MAP1B: variants seen among roughly 807,000 people sequenced by gnomAD.
MAP1B encodes microtubule associated protein 1B.
A neutral mutation model predicts 176.1 loss-of-function variants in MAP1B; 12 were observed. That is an observed-to-expected ratio of 0.07 (90% CI 0.04 to 0.11). The LOEUF is 0.11. MAP1B is among the 10% of genes least tolerant of loss of function. The probability of loss-of-function intolerance (pLI) is 1.00; values close to 1 mark genes in which losing one functional copy is unlikely to be tolerated. For synonymous variants in MAP1B, 1,044 were observed against 1,135.0 expected, an observed-to-expected ratio of 0.92 and a Z score of 1.61; for missense variants, 2,523 against 2,990.5, an observed-to-expected ratio of 0.84 and a Z score of 3.65.
chr5:72,137,613 C>G (rs1233515543), intron 2 of MAP1B, among the ~76,000 whole-genome samples: 2 of 152,158 alleles, frequency 1.3e-5, no homozygotes, highest in Non-Finnish European at 2.9e-5. Context: ...AATAAAGTTA[C>G]TCCTCCCTGT....
chr5:72,195,066 G>A lies in MAP1B; in HGVS notation c.1711G>A (p.Val571Met), dbSNP rs778358981. The A allele has an allele frequency of 2.2e-5, 35 of 1,613,918 alleles. No individual in the cohort carries two copies. Among genetic ancestry groups the A allele is most frequent in the Non-Finnish European group, 2.6e-5 (31 of 1,180,016 alleles). The change falls in exon 5 of 7, where the codon GTG becomes ATG. Residue 571 changes from valine to methionine, a missense_variant. Physicochemically the swap from Val to Met is conservative, Grantham distance 21. Transcript: ENST00000296755. ...SKEETPEVTK[V>M]NHVEKPPKVE... is the part of the protein sequence containing the mutation. ...AGAAGAAACCCCTGAGGTCACAAAA[G>A]TGAATCACGTGGAAAAGCCACCCAA...
chr5:72,199,647 T>C lies in MAP1B; in HGVS notation c.6292T>C (p.Ser2098Pro). 6.2e-7 allele frequency: 1 copy of C among 1,614,184 alleles called. No homozygotes were observed. The highest frequency in any genetic ancestry group is 8.5e-7 in the Non-Finnish European group (1 of 1,180,040). Residue 2098 changes from serine to proline, a missense_variant, in exon 5 of 7, where the codon TCA becomes CCA. Physicochemically the swap from Ser to Pro is moderately conservative, Grantham distance 74. This residue lies in a region of MAP1B where 1,925 missense variants were observed against 2,126.0 expected (regional missense o/e 0.91). Transcript: ENST00000296755. The surrounding 1 kb of genome is among the most constrained non-coding windows in gnomAD (Gnocchi z 4.2). ...CEYKHPKTEL[S>P]PSFINPNPLE... is the part of the protein sequence containing the mutation. Reference sequence around the variant, plus strand: ...ATACAAGCACCCCAAGACAGAGCTTTCACCCTCTTTCATTAATCCCAATCC... The same window carrying C: ...ATACAAGCACCCCAAGACAGAGCTTCCACCCTCTTTCATTAATCCCAATCC...
chr5:72,120,594 T>A (rs1371699717), intron 2 of MAP1B, among the ~76,000 whole-genome samples: 1 of 151,940 alleles, frequency 6.6e-6, no homozygotes, highest in African/African-American at 2.4e-5. Flanking sequence ...CTGGCTATTT[T>A]TTTTTGTATT....
rs1190777584 is a variant in MAP1B, at chr5:72,205,266, T to G, written c.*27T>G. 1 of 1,578,924 alleles carries G rather than the reference T, an allele frequency of 6.3e-7. No individual in the cohort carries two copies. Among genetic ancestry groups the G allele is most frequent in the African/African-American group, 1.4e-5 (1 of 73,322 alleles). On this transcript the variant is annotated 3_prime_UTR_variant, in exon 7 of 7. Transcript: ENST00000296755. ...AACCAAGGCCAGCCACACCACAGGA[T>G]CTGAACTTTGTTTCCAGAAATTCTT...
rs1339298070 is a variant in MAP1B, at chr5:72,209,329, C to G, written c.*4090C>G. ...GCTGAGAAGCACTTCACACTCCTCT[C>G]TCTTGTTCTGAATGGTGTTTGTGTC... On this transcript the variant is annotated 3_prime_UTR_variant, in exon 7 of 7. Transcript: ENST00000296755. The G allele has an allele frequency of 6.6e-6, 1 of 152,218 alleles. No homozygotes were observed. Among genetic ancestry groups the G allele is most frequent in the Non-Finnish European group, 1.5e-5 (1 of 68,066 alleles). The allele number at this position is 152,218 out of a possible 1,614,324, so 9.4% of individuals were successfully genotyped here.
intron 2 of MAP1B, among the ~76,000 whole-genome samples, chr5:72,176,018 C>T (rs1203174719): frequency 1.3e-5 from 2 of 152,228 alleles, no homozygotes; most frequent in African/African-American, 4.8e-5. Context: ...GATTCAGGAA[C>T]ATTTTCAGAG....
chr5:72,113,856 C>T (rs188471468), intron 1 of MAP1B, among the ~76,000 whole-genome samples: 2 of 152,234 alleles, frequency 1.3e-5, no homozygotes, highest in Non-Finnish European at 2.9e-5. Context: ...GAATTCAGAC[C>T]TCTCAACCTG....
At chr5:72,114,650 TCCC>T (rs1414829766) in intron 1 of MAP1B, among the ~76,000 whole-genome samples, 1 of 152,210 alleles carries the variant, frequency 6.6e-6, no homozygotes, top group Non-Finnish European at 1.5e-5. Flanking sequence ...GTTCTGGGGT[TCCC>T]CAACTTTCCC....
intron 1 of MAP1B, among the ~76,000 whole-genome samples, chr5:72,112,631 G>A (rs1745363781): frequency 1.3e-5 from 2 of 152,142 alleles, no homozygotes; most frequent in Admixed American, 6.6e-5. Context: ...GTTGCTCCCT[G>A]GTCCCAAGGA....
At chr5:72,124,735 G>A (rs973209365) in intron 2 of MAP1B, among the ~76,000 whole-genome samples, 1 of 152,230 alleles carries the variant, frequency 6.6e-6, no homozygotes, top group African/African-American at 2.4e-5. Context: ...AATGGGAGCT[G>A]TGAGTAAACA....
intron 2 of MAP1B, among the ~76,000 whole-genome samples, chr5:72,175,086 A>G (rs113597326): frequency 0.029 from 3,552 of 123,632 alleles, 155 homozygotes; most frequent in African/African-American, 0.1. Context: ...CCTTCTTTTG[A>G]CAGGATTTCA....
At chr5:72,121,543 A>G (rs776983084) in intron 2 of MAP1B, among the ~76,000 whole-genome samples, 2 of 152,240 alleles carry the variant, frequency 1.3e-5, no homozygotes, top group African/African-American at 2.4e-5. Context: ...TGCTAAAAAC[A>G]TCTTGCCTGG....
chr5:72,166,412 G>T (rs1746430298), intron 2 of MAP1B, among the ~76,000 whole-genome samples: 2 of 152,152 alleles, frequency 1.3e-5, no homozygotes, highest in South Asian at 4.1e-4. Flanking sequence ...ATGGGCATCT[G>T]TTTGTAAAAA....
Position 72,186,641 on chromosome 5 carries a change from C to T in MAP1B, c.397C>T (p.Arg133Ter), listed in dbSNP as rs773674867. ...EVRLMITDAARHKLLVLTGQC... is the reference protein window; with the variant it reads ...EVRLMITDAA ...GCGCTTAATGATCACTGATGCTGCC[C>T]GACACAAGCTGCTCGTGCTGACCGG... Residue 133 changes from arginine (R) to a stop codon, truncating the protein, a stop_gained, in exon 4 of 7, where the codon CGA (arginine) becomes TGA (stop). Transcript: ENST00000296755. LOFTEE classifies it high-confidence loss of function. The surrounding 1 kb of genome is among the most constrained non-coding windows in gnomAD (Gnocchi z 4.3). The T allele has an allele frequency of 1.2e-6, 2 of 1,614,174 alleles. No homozygotes were observed. Among genetic ancestry groups the T allele is most frequent in the Non-Finnish European group, 8.5e-7 (1 of 1,180,042 alleles).
intron 2 of MAP1B, among the ~76,000 whole-genome samples, chr5:72,152,850 T>A (rs1021827119): frequency 5.9e-5 from 9 of 152,160 alleles, no homozygotes; most frequent in Non-Finnish European, 1.3e-4. Context: ...CCTGTGGACA[T>A]ACAGTGGCTG....
chr5:72,195,398 A>C lies in MAP1B; in HGVS notation c.2043A>C (p.Lys681Asn). Residue 681 changes from lysine to asparagine, a missense_variant, in exon 5 of 7, where the codon AAA becomes AAC. By Grantham distance (94) the Lys-to-Asn change is moderately conservative. Around this residue, in one of 4 missense-constraint regions of MAP1B, gnomAD observed 1,925 missense variants for 2,126.0 expected, o/e 0.91. Coordinates refer to ENST00000296755, the MANE Select transcript of MAP1B (RefSeq NM_005909.5). ...KEEKPKKEEV[K>N]KEVKKEIKKE... ...AAAAACCAAAAAAGGAAGAGGTGAA[A>C]AAAGAAGTCAAAAAAGAGATCAAGA... 1 of 1,559,930 alleles carries C rather than the reference A, an allele frequency of 6.4e-7. No individual in the cohort carries two copies.
intron 2 of MAP1B, among the ~76,000 whole-genome samples, chr5:72,142,587 A>G (rs954593617): frequency 1.1e-4 from 17 of 152,332 alleles, no homozygotes; most frequent in African/African-American, 4.1e-4. Context: ...ACATAAAGTT[A>G]TATACTTCTC....
chr5:72,197,272 T>C lies in MAP1B; in HGVS notation c.3917T>C (p.Val1306Ala), dbSNP rs1468886112. ...TCTCCTGAGGTGACCCAAGAAGTAG[T>C]TGAAGAACATTGTGCTAGTCCTGAG... ...PVSPEVTQEVVEEHCASPEDK... is the reference protein window; with the variant it reads ...PVSPEVTQEVAEEHCASPEDK... Residue 1306 changes from valine (V) to alanine (A), a missense_variant, in exon 5 of 7, where the codon GTT becomes GCT. Val to Ala is a moderately conservative substitution (Grantham distance 64). Transcript: ENST00000296755. 1.2e-6 allele frequency: 2 copies of C among 1,614,174 alleles called. No homozygotes were observed. Among genetic ancestry groups the C allele is most frequent in the Non-Finnish European group, 1.7e-6 (2 of 1,180,034 alleles).
chr5:72,116,611 G>T (rs1200699916), intron 2 of MAP1B, among the ~76,000 whole-genome samples: 1 of 151,870 alleles, frequency 6.6e-6, no homozygotes, highest in Non-Finnish European at 1.5e-5. Flanking sequence ...CCTCCCATTT[G>T]GTCACATTTA....
Sources: gnomAD v4.1 joint callset for allele counts (sites outside exome capture counted in the v4.1 genomes callset) on GRCh38, gnomAD v4.1.1 for gene constraint, gnomAD v4.1.1 regional missense constraint, Gnocchi (gnomAD v3.1) non-coding constraint, MANE v1.5 for transcripts, NCBI Gene and HGNC (gene_info 2026-07-23, HGNC 2026-07-21) for gene names.